Variants in NCKAP5 observed in about 807,000 individuals in gnomAD.
NCKAP5 encodes nck-associated protein 5.
NCKAP5 carries 92 observed loss-of-function variants against 167.0 expected under a neutral mutation model. The observed-to-expected ratio is 0.55, with a 90% CI of 0.47 to 0.66. The LOEUF (loss-of-function observed/expected upper bound fraction) is 0.66. NCKAP5 is among the 30% of genes least tolerant of loss of function. The pLI is 0.00. For missense variants in NCKAP5, 2,378 were observed against 2,315.0 expected, an observed-to-expected ratio of 1.03 and a Z score of -0.56; for synonymous variants, 891 against 877.4, an observed-to-expected ratio of 1.02 and a Z score of -0.27.
chr2:133,625,732 G>T, the NCKAP5 span, among the ~76,000 whole-genome samples: 2 of 151,884 alleles, frequency 1.3e-5, no homozygotes, highest in Admixed American at 6.6e-5. Flanking sequence ...TTAGCCGGGC[G>T]TAGTGGCGGG....
At chr2:133,240,961 C>T (rs758797348) in intron 4 of NCKAP5, among the ~76,000 whole-genome samples, 3 of 152,148 alleles carry the variant, frequency 2.0e-5, no homozygotes, top group Non-Finnish European at 4.4e-5. Context: ...AACAATTTTG[C>T]TAAAATTCTG....
chr2:133,445,825 G>A (rs573699191), intron 3 of NCKAP5, among the ~76,000 whole-genome samples: 5 of 152,232 alleles, frequency 3.3e-5, no homozygotes, highest in Admixed American at 1.3e-4. Flanking sequence ...AGCAGCTTGC[G>A]ATAATGTGAC....
intron 3 of NCKAP5, among the ~76,000 whole-genome samples, chr2:133,467,036 C>T (rs1436856336): frequency 2.2e-4 from 33 of 151,908 alleles, no homozygotes; most frequent in African/African-American, 7.3e-4. Context: ...GCCAGAACTT[C>T]CAACATTATG....
At chr2:132,984,418 C>CCACAAAGGTTGTG (rs2077228430) in intron 7 of NCKAP5, among the ~76,000 whole-genome samples, 1 of 152,114 alleles carries the variant, frequency 6.6e-6, no homozygotes, top group African/African-American at 2.4e-5. Context: ...AGCTTCTAAG[C>CCACAAAGGTTGTG]CACAAAGGTT....
rs181919240 is a variant in NCKAP5, at chr2:133,127,155, G to A, written c.341+2823C>T. Among the ~76,000 whole-genome samples the A allele has an allele frequency of 5.5e-4, 83 of 152,188 alleles. 1 individual carries two copies. The East Asian group carries it at 7.5e-3, about 14-fold the overall frequency. ...GATGACCATATTGGATGCTAACCCC[G>A]TCCAAGGGTGATGCAATAAAGGCTT... On this transcript the variant is annotated intron_variant, in intron 6 of 19. Coordinates refer to ENST00000409261, the MANE Select transcript of NCKAP5 (RefSeq NM_207363.3).
At chr2:133,621,608 AC>A in the NCKAP5 span, among the ~76,000 whole-genome samples, 2 of 152,036 alleles carry the variant, frequency 1.3e-5, no homozygotes, top group African/African-American at 4.8e-5. Context: ...CAAGACCAAG[AC>A]CAATAACAAG....
intron 4 of NCKAP5, among the ~76,000 whole-genome samples, chr2:133,215,211 TC>T (rs2150179062): frequency 6.6e-6 from 1 of 152,252 alleles, no homozygotes; most frequent in Non-Finnish European, 1.5e-5. Flanking sequence ...GGCAGAAAGC[TC>T]CTGTGTGTTC....
rs1204845304 is a variant in NCKAP5 at position 132,784,867 on chromosome 2, A to C, written c.1944T>G (p.Thr648=). The change falls in exon 14 of 20, where the codon ACT becomes ACG. Residue 648 remains threonine (T), a synonymous_variant. Coordinates refer to ENST00000409261, the MANE Select transcript of NCKAP5 (RefSeq NM_207363.3). ...VPIPSETRPK[T]FSFIKQQRVV... ...CTCTTTGCTGCTTAATGAAACTAAA[A>C]GTCTTTGGCCTAGTCTCTGAAGGGA... 2 of 1,560,348 alleles carry C rather than the reference A, an allele frequency of 1.3e-6. No individual in the cohort carries two copies. Among genetic ancestry groups the C allele is most frequent in the Non-Finnish European group, 1.7e-6 (2 of 1,154,154 alleles).
intron 8 of NCKAP5, among the ~76,000 whole-genome samples, chr2:132,896,588 C>T (rs1693229598): frequency 6.6e-6 from 1 of 152,096 alleles, no homozygotes; most frequent in African/African-American, 2.4e-5. Flanking sequence ...AGCTCAGGTG[C>T]AATAATAGAC....
intron 16 of NCKAP5, among the ~76,000 whole-genome samples, chr2:132,743,607 G>A (rs1679391773): frequency 6.6e-6 from 1 of 151,356 alleles, no homozygotes; most frequent in African/African-American, 2.4e-5. Context: ...AGTCAAAAAG[G>A]TAGAAAAGGA....
At chr2:133,100,397 T>C (rs1425815197) in intron 6 of NCKAP5, among the ~76,000 whole-genome samples, 1 of 152,230 alleles carries the variant, frequency 6.6e-6, no homozygotes, top group African/African-American at 2.4e-5. Context: ...GCAATAATCA[T>C]ATGTAGTTGG....
intron 19 of NCKAP5, among the ~76,000 whole-genome samples, chr2:132,705,705 C>G (rs1272101562): frequency 6.6e-6 from 1 of 152,098 alleles, no homozygotes; most frequent in African/African-American, 2.4e-5. Flanking sequence ...AAAAAGGACC[C>G]AAGAGCATGC....
At chr2:132,683,955 G>GT (rs1490492752) in intron 19 of NCKAP5, among the ~76,000 whole-genome samples, 17 of 152,148 alleles carry the variant, frequency 1.1e-4, no homozygotes, top group Non-Finnish European at 1.5e-4. Flanking sequence ...TATAGCTGTC[G>GT]TAGTACAAAA....
chr2:132,695,151 C>T (rs1573901801), intron 19 of NCKAP5, among the ~76,000 whole-genome samples: 4 of 152,256 alleles, frequency 2.6e-5, no homozygotes, highest in Admixed American at 2.6e-4. Context: ...CCTCCAAATA[C>T]CATCACAATG....
chr2:133,278,265 C>T (rs2089809044), intron 4 of NCKAP5, among the ~76,000 whole-genome samples: 1 of 152,218 alleles, frequency 6.6e-6, no homozygotes, highest in South Asian at 2.1e-4. Flanking sequence ...AGAAGCCCCA[C>T]AGGCCTCACT....
At chr2:133,282,938 T>C (rs961226766) in intron 4 of NCKAP5, among the ~76,000 whole-genome samples, 3 of 152,204 alleles carry the variant, frequency 2.0e-5, no homozygotes, top group Admixed American at 1.3e-4. Flanking sequence ...AAAACAATCC[T>C]TGACTGTTGG....
chr2:133,487,296 G>T (rs1680996329), intron 3 of NCKAP5, among the ~76,000 whole-genome samples: 1 of 152,122 alleles, frequency 6.6e-6, no homozygotes, highest in African/African-American at 2.4e-5. Flanking sequence ...TTTAAACAAT[G>T]AGAAACTTAA....
At chr2:132,765,067 A>C (rs1191716674) in intron 16 of NCKAP5, among the ~76,000 whole-genome samples, 1 of 152,194 alleles carries the variant, frequency 6.6e-6, no homozygotes, top group Non-Finnish European at 1.5e-5. Context: ...TATTCCACAA[A>C]ATATTTATTT....
chr2:133,412,224 G>C (rs1303234072), intron 3 of NCKAP5, among the ~76,000 whole-genome samples: 1 of 152,198 alleles, frequency 6.6e-6, no homozygotes, highest in Non-Finnish European at 1.5e-5. Flanking sequence ...AGGGACCGCA[G>C]AGAGCCCTCT....
Sources: allele counts gnomAD v4.1 joint callset (sites outside exome capture counted in the v4.1 genomes callset), GRCh38; gene constraint gnomAD v4.1.1; transcripts MANE v1.5; gene names NCBI Gene and HGNC (gene_info 2026-07-23, HGNC 2026-07-21).